AGAP1: variants seen among roughly 807,000 people sequenced by gnomAD.
AGAP1 encodes arf-GAP with GTPase, ANK repeat and PH domain-containing protein 1.
Under a neutral mutation model 105.3 loss-of-function variants are expected in AGAP1, and 29 were observed. That is an observed-to-expected ratio of 0.28 (90% CI 0.21 to 0.38). The LOEUF (loss-of-function observed/expected upper bound fraction) is 0.38. Among genes scored for constraint, AGAP1 ranks in the 10% least tolerant of loss-of-function variants. The pLI is 1.00. For synonymous variants in AGAP1, 509 were observed against 485.9 expected (o/e 1.05, Z -0.63); for missense variants, 998 against 1,165.1 (o/e 0.86, Z 2.09).
intron 12 of AGAP1, among the ~76,000 whole-genome samples, chr2:235,938,443 C>T (rs1255526537): frequency 6.6e-6 from 1 of 152,200 alleles, no homozygotes; most frequent in East Asian, 1.9e-4. Context: ...GTGAGGCCAT[C>T]AGATGTGTGG....
intron 10 of AGAP1, among the ~76,000 whole-genome samples, chr2:235,903,410 T>C (rs1389367598): frequency 6.6e-6 from 1 of 152,230 alleles, no homozygotes; most frequent in Non-Finnish European, 1.5e-5. Context: ...ATGCCAATCA[T>C]ATAGTGTATG....
intron 3 of AGAP1, among the ~76,000 whole-genome samples, chr2:235,730,968 C>G (rs920878137): frequency 1.3e-5 from 2 of 152,106 alleles, no homozygotes; most frequent in African/African-American, 4.8e-5. Flanking sequence ...CAGCTTACCC[C>G]CAACCCCCAG....
rs183398005 is a variant in AGAP1, at chr2:236,012,401, C to T, written c.1646-24160C>T. The stretch of plus-strand genomic sequence containing the variant: ...CATGGCTACCTCTTTCTGGAACTTG[C>T]GAAATACTGTCCCAGACACCAGAGC... On this transcript the variant is annotated intron_variant, in intron 13 of 17. Transcript: ENST00000304032. This position sits in a 1 kb window ranked among gnomAD's most constrained non-coding sequence, Gnocchi z 4.9. Among the ~76,000 whole-genome samples the T allele has an allele frequency of 5.9e-5, 9 of 152,042 alleles. No homozygotes were observed. The highest frequency in any genetic ancestry group is 1.9e-4 in the African/African-American group (8 of 41,404).
chr2:235,868,476 G>A (rs1294288754), intron 9 of AGAP1, among the ~76,000 whole-genome samples: 1 of 152,100 alleles, frequency 6.6e-6, no homozygotes, highest in East Asian at 1.9e-4. Context: ...ATCTTGACAT[G>A]GCGCCGCCTG....
Position 235,550,915 on chromosome 2 carries a change from C to A in AGAP1, c.163+56066C>A, listed in dbSNP as rs1211367003. Among the ~76,000 whole-genome samples the A allele has an allele frequency of 6.6e-6, 1 of 152,150 alleles. No homozygotes were observed. Among genetic ancestry groups the A allele is most frequent in the African/African-American group, 2.4e-5 (1 of 41,438 alleles). On this transcript the variant is annotated intron_variant, in intron 1 of 17. Coordinates refer to ENST00000304032, the MANE Select transcript of AGAP1 (RefSeq NM_001037131.3). The surrounding 1 kb of genome is among the most constrained non-coding windows in gnomAD (Gnocchi z 4.6). ...TCAGCCTCCTGAGTAGCTGGGACTA[C>A]AGGCGTGCACCACCACACCCAGCTA...
At position 235,813,428 on chromosome 2, in the gene AGAP1, C is replaced by T. The variant is rs556799065; in HGVS notation, c.1050+6097C>T. Reference sequence around the variant, plus strand: ...AATGGCGTTTCCAAGAACGGAAGTTCGTTTTAAGACTCAGTGTGTCCTCTG... The same window carrying T: ...AATGGCGTTTCCAAGAACGGAAGTTTGTTTTAAGACTCAGTGTGTCCTCTG... On this transcript the variant is annotated intron_variant, in intron 9 of 17. Transcript: ENST00000304032. Among the ~76,000 whole-genome samples the T allele has an allele frequency of 3.9e-5, 6 of 152,336 alleles. No homozygotes were observed. In the East Asian group the frequency reaches 7.7e-4, roughly 20 times the overall value.
At chr2:235,806,227 T>C (rs1957827463) in intron 8 of AGAP1, among the ~76,000 whole-genome samples, 1 of 152,220 alleles carries the variant, frequency 6.6e-6, no homozygotes, top group South Asian at 2.1e-4. Context: ...TCATATATCA[T>C]CTCAGATTTG....
Position 235,754,252 on chromosome 2 carries a change from C to G in AGAP1, c.673+3764C>G, listed in dbSNP as rs984161247. ...AGGGCCTTGCAGGGGATGCACCCAG[C>G]CAGCAGGGCCCCTGCCTGCTCGCCG... On this transcript the variant is annotated intron_variant, in intron 6 of 17. Coordinates refer to ENST00000304032, the MANE Select transcript of AGAP1 (RefSeq NM_001037131.3). The surrounding 1 kb of genome is among the most constrained non-coding windows in gnomAD (Gnocchi z 4.6). 6.6e-6 allele frequency among the ~76,000 whole-genome samples: 1 copy of G among 152,158 alleles called. No homozygotes were observed. The highest frequency in any genetic ancestry group is 2.4e-5 in the African/African-American group (1 of 41,430).
chr2:235,506,887 G>C (rs1464172286), intron 1 of AGAP1: 1 of 152,536 alleles, frequency 6.6e-6, no homozygotes, highest in Non-Finnish European at 1.5e-5. Flanking sequence ...CTGCCCACAG[G>C]GTATGGGCAA....
rs1316340478 is a variant in AGAP1, at chr2:236,046,024, G to A, written c.1892-3035G>A. 6 of 471,308 alleles carry A rather than the reference G, an allele frequency of 1.3e-5. No homozygotes were observed. Among genetic ancestry groups the A allele is most frequent in the Non-Finnish European group, 2.2e-5 (5 of 227,012 alleles). 29.2% of individuals were successfully genotyped at this position (471,308 alleles called of 1,614,324 possible). On this transcript the variant is annotated intron_variant, in intron 15 of 17. Transcript: ENST00000304032. The surrounding 1 kb of genome is among the most constrained non-coding windows in gnomAD (Gnocchi z 5.2). ...TGGACCTGACAGCCTGGGAGCTGCT[G>A]GGGGGAGGTAGGAGGGGGTGCACCA... is the stretch of plus-strand genomic sequence containing the variant.
At chr2:235,670,600 G>A in intron 1 of AGAP1, 1 of 566,164 alleles carries the variant, frequency 1.8e-6, no homozygotes, top group Non-Finnish European at 3.1e-6. Flanking sequence ...CGCAAGGCCG[G>A]ACACTGGGCG....
chr2:235,504,912 C>T (rs1375063302), intron 1 of AGAP1, among the ~76,000 whole-genome samples: 4 of 152,160 alleles, frequency 2.6e-5, no homozygotes, highest in Non-Finnish European at 5.9e-5. Flanking sequence ...TGAATAATGA[C>T]GGCTGTGTGC....
In AGAP1 at chr2:235,747,439, C is replaced by T. The variant is rs1426518474; in HGVS notation, c.538+2600C>T. ...TTGGGAGGTAAGTCAGCCCCACACC[C>T]TCCCGGGGTGAACAGGTAAGCTGGC... On this transcript the variant is annotated intron_variant, in intron 5 of 17. Coordinates refer to ENST00000304032, the MANE Select transcript of AGAP1 (RefSeq NM_001037131.3). This position sits in a 1 kb window ranked among gnomAD's most constrained non-coding sequence, Gnocchi z 5.0. 6.6e-6 allele frequency among the ~76,000 whole-genome samples: 1 copy of T among 152,116 alleles called. No homozygotes were observed. Among genetic ancestry groups the T allele is most frequent in the Non-Finnish European group, 1.5e-5 (1 of 68,014 alleles).
At position 235,789,732 on chromosome 2, in the gene AGAP1, C is replaced by T. The variant is rs907889166; in HGVS notation, c.674-8027C>T. On this transcript the variant is annotated intron_variant, in intron 6 of 17. Transcript: ENST00000304032. This position sits in a 1 kb window ranked among gnomAD's most constrained non-coding sequence, Gnocchi z 4.2. ...AAGGTAAGTCAACAAAGGATTACCA[C>T]CCACCGAACCCTTTCTCCTGCTGGC... 6.6e-6 allele frequency among the ~76,000 whole-genome samples: 1 copy of T among 152,174 alleles called. No homozygotes were observed. The highest frequency in any genetic ancestry group is 1.5e-5 in the Non-Finnish European group (1 of 68,034).
chr2:235,816,057 G>A (rs1958433341), intron 9 of AGAP1, among the ~76,000 whole-genome samples: 1 of 152,218 alleles, frequency 6.6e-6, no homozygotes, highest in East Asian at 1.9e-4. Context: ...TTGTGTCACT[G>A]GTTGCTTTGA....
chr2:235,921,302 T>A (rs2052171492), intron 11 of AGAP1, among the ~76,000 whole-genome samples: 1 of 152,188 alleles, frequency 6.6e-6, no homozygotes, highest in Non-Finnish European at 1.5e-5. Context: ...GGTTAGGAAA[T>A]CATATTAAAG....
At chr2:235,617,198 G>A (rs1946335197) in intron 1 of AGAP1, among the ~76,000 whole-genome samples, 1 of 152,006 alleles carries the variant, frequency 6.6e-6, no homozygotes, top group South Asian at 2.1e-4. Context: ...AATAGATGAG[G>A]AACAGCAGTT....
chr2:235,853,520 A>T (rs1030700260), intron 9 of AGAP1, among the ~76,000 whole-genome samples: 3 of 152,152 alleles, frequency 2.0e-5, no homozygotes, highest in African/African-American at 7.2e-5. Context: ...TAATAGATAG[A>T]TTAAATGGAA....
Position 236,005,022 on chromosome 2 carries a change from T to A in AGAP1, c.1646-31539T>A, listed in dbSNP as rs140212897. The stretch of plus-strand genomic sequence containing the variant: ...TTATTAGAGTGTATTTGATAGACTT[T>A]GTTTTCTAGGAAAGCTTTAGACTTT... On this transcript the variant is annotated intron_variant, in intron 13 of 17. Coordinates refer to ENST00000304032, the MANE Select transcript of AGAP1 (RefSeq NM_001037131.3). This position sits in a 1 kb window ranked among gnomAD's most constrained non-coding sequence, Gnocchi z 4.1. Among the ~76,000 whole-genome samples the A allele has an allele frequency of 7.9e-3, 1,211 of 152,342 alleles. 7 individuals are homozygous for A. Among genetic ancestry groups the A allele is most frequent in the Non-Finnish European group, 0.011 (743 of 68,026 alleles).
Sources: allele counts gnomAD v4.1 joint callset (sites outside exome capture counted in the v4.1 genomes callset), GRCh38; gene constraint gnomAD v4.1.1; non-coding constraint Gnocchi (gnomAD v3.1); transcripts MANE v1.5; gene names NCBI Gene and HGNC (gene_info 2026-07-23, HGNC 2026-07-21).